RBFOX1: variants seen among roughly 807,000 people sequenced by gnomAD.
RBFOX1 encodes RNA binding fox-1 homolog 1.
RBFOX1 carries 8 observed loss-of-function variants against 57.7 expected under a neutral mutation model. The ratio of observed to expected loss-of-function variants is 0.14; its 90% CI spans 0.08 to 0.25. The LOEUF (loss-of-function observed/expected upper bound fraction) is 0.25, where lower values mean the gene tolerates loss of function less well. RBFOX1 is among the 10% of genes least tolerant of loss of function. The probability of loss-of-function intolerance (pLI) is 1.00; values close to 1 mark genes in which losing one functional copy is unlikely to be tolerated. For synonymous variants in RBFOX1, 326 were observed against 222.4 expected, an observed-to-expected ratio of 1.47 and a Z score of -4.15; for missense variants, 611 against 548.5, an observed-to-expected ratio of 1.11 and a Z score of -1.14.
chr16:7,165,391 T>TAATAATAATAAA (rs2079223400), intron 4 of RBFOX1, among the ~76,000 whole-genome samples: 1 of 147,024 alleles, frequency 6.8e-6, no homozygotes, highest in African/African-American at 2.5e-5. Context: ...TCTTCTGTAA[T>TAATAATAATAAA]AATAATAATA....
intron 3 of RBFOX1, among the ~76,000 whole-genome samples, chr16:6,907,124 A>G (rs2070210816): frequency 6.6e-6 from 1 of 152,186 alleles, no homozygotes; most frequent in African/African-American, 2.4e-5. Flanking sequence ...CCCAGTAGGC[A>G]TTTCACAATA....
intron 2 of RBFOX1, among the ~76,000 whole-genome samples, chr16:6,341,108 T>C (rs1187271305): frequency 6.6e-6 from 1 of 152,092 alleles, no homozygotes; most frequent in African/African-American, 2.4e-5. Flanking sequence ...ACCATGCAAA[T>C]TTTCTGTCTT....
At chr16:6,416,940 T>C (rs1021096726) in intron 2 of RBFOX1, among the ~76,000 whole-genome samples, 2 of 152,208 alleles carry the variant, frequency 1.3e-5, no homozygotes, top group Admixed American at 1.3e-4. Context: ...ACAGTAACTT[T>C]CTGTGCATAT....
chr16:5,990,340 G>A (rs1315146158), intron 4 of RBFOX1, among the ~76,000 whole-genome samples: 1 of 152,164 alleles, frequency 6.6e-6, no homozygotes, highest in Non-Finnish European at 1.5e-5. Context: ...GAAAGAATCA[G>A]CTGGCCTTGG....
At chr16:5,671,140 T>A (rs1246899346) in intron 3 of RBFOX1, among the ~76,000 whole-genome samples, 1 of 152,244 alleles carries the variant, frequency 6.6e-6, no homozygotes, top group African/African-American at 2.4e-5. Flanking sequence ...CTTCTGTGGA[T>A]TCCCTATTTA....
chr16:6,204,779 A>G (rs1364956880), intron 1 of RBFOX1, among the ~76,000 whole-genome samples: 1 of 152,110 alleles, frequency 6.6e-6, no homozygotes, highest in Admixed American at 6.6e-5. Flanking sequence ...TTGACAATGG[A>G]TGCCTTTTGT....
chr16:6,121,276 T>C (rs1567505370), intron 1 of RBFOX1, among the ~76,000 whole-genome samples: 2 of 152,140 alleles, frequency 1.3e-5, no homozygotes, highest in African/African-American at 2.4e-5. Flanking sequence ...ACAGACTTAA[T>C]GTGTCTGTGA....
chr16:5,655,284 TGA>T (rs1222277558), intron 3 of RBFOX1, among the ~76,000 whole-genome samples: 2 of 152,322 alleles, frequency 1.3e-5, no homozygotes, highest in Middle Eastern at 6.8e-3. Context: ...TGATTTTTTT[TGA>T]GTGTGGACTT....
chr16:7,422,627 G>T (rs1429626373), intron 4 of RBFOX1, among the ~76,000 whole-genome samples: 5 of 152,130 alleles, frequency 3.3e-5, no homozygotes, highest in Non-Finnish European at 5.9e-5. Context: ...TCATCTTCCA[G>T]GGGTTTGTGA....
intron 3 of RBFOX1, among the ~76,000 whole-genome samples, chr16:6,952,230 G>A (rs928811866): frequency 2.0e-5 from 3 of 152,204 alleles, no homozygotes; most frequent in Admixed American, 2.0e-4. Context: ...AAAAGAGTAG[G>A]ACCTTTCCCT....
intron 2 of RBFOX1, among the ~76,000 whole-genome samples, chr16:6,536,186 A>G (rs940703715): frequency 6.6e-6 from 1 of 152,240 alleles, no homozygotes; most frequent in Non-Finnish European, 1.5e-5. Context: ...TACCTCTTGT[A>G]TAAATGCAAC....
At chr16:5,522,737 C>G (rs895658557) in intron 2 of RBFOX1, among the ~76,000 whole-genome samples, 2 of 152,180 alleles carry the variant, frequency 1.3e-5, no homozygotes, top group African/African-American at 4.8e-5. Flanking sequence ...ATTCTGCTCT[C>G]CACCTCCATG....
intron 4 of RBFOX1, among the ~76,000 whole-genome samples, chr16:7,465,906 C>G (rs989795312): frequency 3.3e-5 from 5 of 152,190 alleles, no homozygotes; most frequent in African/African-American, 9.7e-5. Context: ...CCCAAAGCAT[C>G]TCATGGTGCT....
chr16:6,772,806 G>A (rs1456618790), intron 3 of RBFOX1, among the ~76,000 whole-genome samples: 2 of 149,478 alleles, frequency 1.3e-5, no homozygotes, highest in East Asian at 2.0e-4. Flanking sequence ...GTATGTGTGG[G>A]CCTGGGGTGC....
chr16:5,551,816 G>A (rs562281773), intron 2 of RBFOX1, among the ~76,000 whole-genome samples: 19 of 151,150 alleles, frequency 1.3e-4, no homozygotes, highest in African/African-American at 4.4e-4. Flanking sequence ...ACAGGTGCTG[G>A]TGTGTGATGT....
intron 3 of RBFOX1, among the ~76,000 whole-genome samples, chr16:6,842,060 G>A (rs976584338): frequency 6.6e-6 from 1 of 151,672 alleles, no homozygotes; most frequent in Non-Finnish European, 1.5e-5. Context: ...GGAGAATGGC[G>A]TGAACCCGGG....
In RBFOX1 at chr16:5,375,957, G is replaced by T. The variant is rs35941363; in HGVS notation, c.220-91259G>T. On this transcript the variant is annotated intron_variant, in intron 1 of 2. Coordinates refer to the RBFOX1 transcript ENST00000585867. ...TGAGGTGGCTGGATCATTTGAGGTC[G>T]GGAGTCTGAGACCAGCCTGGCCAAC... 5.5e-3 allele frequency among the ~76,000 whole-genome samples: 835 copies of T among 151,898 alleles called. 5 individuals are homozygous for T. The highest frequency in any genetic ancestry group is 0.019 in the African/African-American group (797 of 41,420).
In RBFOX1 at chr16:6,679,040, A is replaced by G. The variant is rs573515160; in HGVS notation, c.-16+24390A>G. ...GAGATCGACTCTGCGTGTTGCTATT[A>G]TATCTCTAACACCTCTCTAACCCTT... is the stretch of plus-strand genomic sequence containing the variant. On this transcript the variant is annotated intron_variant, in intron 3 of 15. Coordinates refer to ENST00000550418, the MANE Select transcript of RBFOX1 (RefSeq NM_018723.4). 3.9e-5 allele frequency among the ~76,000 whole-genome samples: 6 copies of G among 152,230 alleles called. 1 individual carries two copies. The South Asian group carries it at 1.0e-3, about 26-fold the overall frequency.
chr16:6,905,639 C>A (rs150353985), intron 3 of RBFOX1, among the ~76,000 whole-genome samples: 3 of 152,028 alleles, frequency 2.0e-5, no homozygotes, highest in Admixed American at 6.6e-5. Flanking sequence ...CAATTTTCCC[C>A]GTTTAGCAAC....
Sources: gnomAD v4.1 joint callset for allele counts (sites outside exome capture counted in the v4.1 genomes callset) on GRCh38, gnomAD v4.1.1 for gene constraint, MANE v1.5 for transcripts, NCBI Gene and HGNC (gene_info 2026-07-23, HGNC 2026-07-21) for gene names.